The following ATG7 variants were observed in gnomAD, a reference collection of about 807,000 sequenced individuals.
ATG7 encodes autophagy related 7, also known as ubiquitin-like modifier-activating enzyme ATG7.
Under a neutral mutation model 82.4 loss-of-function variants are expected in ATG7, and 70 were observed. The ratio of observed to expected loss-of-function variants is 0.85; its 90% confidence interval spans 0.70 to 1.04. The LOEUF (loss-of-function observed/expected upper bound fraction) is 1.04. ATG7 is among the 50% of genes least tolerant of loss of function. The probability of loss-of-function intolerance (pLI) is 0.00; values close to 1 mark genes in which losing one functional copy is unlikely to be tolerated. For missense variants in ATG7, 792 were observed against 864.3 expected (o/e 0.92, Z 1.05); for synonymous variants, 287 against 313.0 (o/e 0.92, Z 0.88).
chr3:11,359,572 C>T (rs898401891), intron 15 of ATG7, among the ~76,000 whole-genome samples: 2 of 151,752 alleles, frequency 1.3e-5, no homozygotes, highest in South Asian at 2.1e-4. Context: ...GATGCACACC[C>T]GTGCTCCCAG....
In ATG7 at chr3:11,310,407, T is replaced by A. The variant is rs556563674; in HGVS notation, c.411+1346T>A. On this transcript the variant is annotated intron_variant, in intron 7 of 20. Coordinates refer to ENST00000693202, the MANE Select transcript of ATG7 (RefSeq NM_001349232.2). ...CCGACCTCCCACCGTTCCTCCTAGA[T>A]TCCTAGATGCAGGGGAGGCCTCTGA... Among the ~76,000 whole-genome samples the A allele has an allele frequency of 4.6e-5, 7 of 152,212 alleles. No homozygotes were observed. The East Asian group carries it at 1.4e-3, about 29-fold the overall frequency.
intron 20 of ATG7, among the ~76,000 whole-genome samples, chr3:11,460,266 G>A (rs902092244): frequency 6.6e-6 from 1 of 152,200 alleles, no homozygotes; most frequent in African/African-American, 2.4e-5. Flanking sequence ...GACATGAGGA[G>A]CATACATAGG....
chr3:11,397,221 A>G (rs1376973919), intron 19 of ATG7, among the ~76,000 whole-genome samples: 1 of 152,208 alleles, frequency 6.6e-6, no homozygotes, highest in East Asian at 1.9e-4. Flanking sequence ...ATAAGAACAT[A>G]ATATTTTAGT....
Position 11,347,735 on chromosome 3 carries a change from T to C in ATG7, c.1126-142T>C, listed in dbSNP as rs1954774703. On this transcript the variant is annotated intron_variant, in intron 13 of 20. Transcript: ENST00000693202. The stretch of plus-strand genomic sequence containing the variant: ...AACATTCTGTTTATCGTAACCTGAA[T>C]TTGCACAATTCAGTTTCTGAAGTTT... 7.0e-6 allele frequency: 6 copies of C among 855,894 alleles called. No individual in the cohort carries two copies. The South Asian group carries it at 1.3e-4, about 18-fold the overall frequency. 53.0% of individuals were successfully genotyped at this position (855,894 alleles called of 1,614,324 possible). A position where few individuals can be genotyped will look rare whatever the true frequency, so the allele number is the denominator to read the frequency against.
intron 9 of ATG7, among the ~76,000 whole-genome samples, chr3:11,325,843 C>G (rs989008394): frequency 6.6e-6 from 1 of 152,132 alleles, no homozygotes; most frequent in African/African-American, 2.4e-5. Flanking sequence ...ACGGCATTTT[C>G]TAGATTGATA....
intron 20 of ATG7, among the ~76,000 whole-genome samples, chr3:11,451,508 T>C (rs766450409): frequency 4.6e-5 from 7 of 152,246 alleles, no homozygotes; most frequent in Non-Finnish European, 1.0e-4. Context: ...GTTCAGCACA[T>C]GAGACAGGGC....
intron 3 of ATG7, among the ~76,000 whole-genome samples, chr3:11,286,154 G>C (rs346078): frequency 0.3 from 45,299 of 152,114 alleles, 7,225 homozygotes; most frequent in Non-Finnish European, 0.37. Context: ...CACAGTGTCT[G>C]TTTGTCACGT....
chr3:11,572,718 G>A, the ATG7 span, among the ~76,000 whole-genome samples: 17 of 152,046 alleles, frequency 1.1e-4, no homozygotes, highest in Admixed American at 1.1e-3. Flanking sequence ...CCCTCATGTT[G>A]GTCTTGGAGC....
At chr3:11,411,263 C>A (rs1468291599) in intron 19 of ATG7, among the ~76,000 whole-genome samples, 1 of 152,140 alleles carries the variant, frequency 6.6e-6, no homozygotes, top group Non-Finnish European at 1.5e-5. Flanking sequence ...CTGTTCACAT[C>A]ATCTGCCCAT....
chr3:11,380,151 CT>C (rs894825259), intron 19 of ATG7, 99 bp downstream of exon 19: 17 of 1,122,784 alleles, frequency 1.5e-5, no homozygotes, highest in Non-Finnish European at 2.0e-5. Context: ...CAACTAAGGG[CT>C]TTTTGTGGGG....
chr3:11,398,573 A>G (rs1444717560), intron 19 of ATG7, among the ~76,000 whole-genome samples: 1 of 152,194 alleles, frequency 6.6e-6, no homozygotes, highest in Non-Finnish European at 1.5e-5. Context: ...AGCAGTACTT[A>G]ATAAAAATGT....
chr3:11,461,462 C>G (rs2086290804), intron 20 of ATG7, among the ~76,000 whole-genome samples: 1 of 152,178 alleles, frequency 6.6e-6, no homozygotes, highest in Non-Finnish European at 1.5e-5. Context: ...TTTCACTTTT[C>G]CCCTCTCTGC....
intron 14 of ATG7, among the ~76,000 whole-genome samples, chr3:11,350,181 A>T (rs1439341622): frequency 2.0e-5 from 3 of 152,162 alleles, no homozygotes; most frequent in African/African-American, 7.2e-5. Context: ...GTTTTTGTCC[A>T]TTTCACTAGA....
At chr3:11,429,665 G>C (rs953351396) in intron 20 of ATG7, among the ~76,000 whole-genome samples, 3 of 150,818 alleles carry the variant, frequency 2.0e-5, no homozygotes, top group Admixed American at 6.6e-5. Context: ...GAAATACTCT[G>C]GGCTGGGCAT....
At chr3:11,291,047 T>C (rs758196735) in intron 3 of ATG7, among the ~76,000 whole-genome samples, 33 of 152,202 alleles carry the variant, frequency 2.2e-4, no homozygotes, top group Non-Finnish European at 3.4e-4. Flanking sequence ...TGCTGTAGAA[T>C]AGAGTTTTCT....
At chr3:11,429,352 C>T (rs975938996) in intron 20 of ATG7, among the ~76,000 whole-genome samples, 1 of 151,838 alleles carries the variant, frequency 6.6e-6, no homozygotes, top group Non-Finnish European at 1.5e-5. Flanking sequence ...AAAAATTAGT[C>T]GGGCATGGTG....
intron 20 of ATG7, chr3:11,488,510 C>G (rs1312761102): frequency 4.1e-6 from 5 of 1,228,138 alleles, no homozygotes; most frequent in Middle Eastern, 3.3e-4. Flanking sequence ...AGCGCCGCGA[C>G]TGTCCCGGCT....
rs1395237800 is a variant in ATG7, at chr3:11,278,550, T to C, written c.-365-2444T>C. ...ATTGTTTCAGTCATCAACAAGTATT[T>C]ATTGGGCACCTGTGAGGTGCGAAGA... On this transcript the variant is annotated intron_variant, in intron 1 of 20. Coordinates refer to ENST00000693202, the MANE Select transcript of ATG7 (RefSeq NM_001349232.2). Among the ~76,000 whole-genome samples the C allele has an allele frequency of 2.6e-5, 4 of 152,238 alleles. 1 individual carries two copies. Among genetic ancestry groups the C allele is most frequent in the African/African-American group, 9.6e-5 (4 of 41,456 alleles).
intron 14 of ATG7, among the ~76,000 whole-genome samples, chr3:11,354,650 C>CAAAAAAAAA (rs5846706): frequency 8.1e-5 from 5 of 61,930 alleles, no homozygotes; most frequent in Admixed American, 2.3e-4. Context: ...TCCATCTCAC[C>CAAAAAAAAA]AAAAAAAAAA....
Sources: gnomAD v4.1 joint callset for allele counts (sites outside exome capture counted in the v4.1 genomes callset) on GRCh38, gnomAD v4.1.1 for gene constraint, MANE v1.5 for transcripts, NCBI Gene and HGNC (gene_info 2026-07-23, HGNC 2026-07-21) for gene names.